The following SPAG11B variants were observed in gnomAD, a reference collection of about 807,000 sequenced individuals.
SPAG11B encodes the protein sperm-associated antigen 11B.
SPAG11B carries 5 observed loss-of-function variants against 8.9 expected under a neutral mutation model. The observed-to-expected ratio is 0.56, with a 90% CI of 0.29 to 1.19. The LOEUF is 1.19. Ranked by LOEUF, SPAG11B falls within the 50% of genes most tolerant of loss-of-function variation. The probability of loss-of-function intolerance (pLI) is 0.08; values close to 1 mark genes in which losing one functional copy is unlikely to be tolerated. For synonymous variants in SPAG11B, 12 were observed against 53.0 expected (o/e 0.23, Z 3.36); for missense variants, 38 against 146.4 (o/e 0.26, Z 3.82).
intron 2 of SPAG11B, among the ~76,000 whole-genome samples, chr8:7,451,878 G>A (rs1420720932): frequency 6.7e-6 from 1 of 150,126 alleles, no homozygotes; most frequent in Non-Finnish European, 1.5e-5. Context: ...ATTGCACCAT[G>A]GTAAATTAAC....
chr8:7,453,489 T>C (rs1453327979), intron 2 of SPAG11B, among the ~76,000 whole-genome samples: 12 of 147,086 alleles, frequency 8.2e-5, no homozygotes, highest in South Asian at 2.1e-4. Flanking sequence ...CCCATTTTTA[T>C]GTAAGCAATA....
At chr8:7,458,621 C>G (rs1318218819) in intron 2 of SPAG11B, among the ~76,000 whole-genome samples, 1 of 86,432 alleles carries the variant, frequency 1.2e-5, no homozygotes, top group Non-Finnish European at 2.1e-5. Context: ...AAATATAAGA[C>G]TATTTAAAAA....
At chr8:7,459,175 A>G (rs1810625120) in intron 2 of SPAG11B, among the ~76,000 whole-genome samples, 1 of 48,014 alleles carries the variant, frequency 2.1e-5, no homozygotes. Context: ...CCAAAATCGC[A>G]CCATTGCACT....
chr8:7,451,387 C>A (rs1810149677), intron 2 of SPAG11B, among the ~76,000 whole-genome samples: 1 of 129,534 alleles, frequency 7.7e-6, no homozygotes, highest in East Asian at 2.0e-4. Context: ...TTGTAAGTCA[C>A]AAATGACCAC....
At chr8:7,451,823 G>A (rs1810200961) in intron 2 of SPAG11B, among the ~76,000 whole-genome samples, 2 of 151,744 alleles carry the variant, frequency 1.3e-5, no homozygotes, top group Non-Finnish European at 2.9e-5. Flanking sequence ...GTGCAAGCAG[G>A]GGGAATATTA....
Position 7,450,866 on chromosome 8 carries a change from G to C in SPAG11B, c.249C>G (p.Cys83Trp), listed in dbSNP as rs774567355. The stretch of plus-strand genomic sequence containing the variant: ...GTCTGCAGATCCCTTGCTGCATATG[G>C]CAGATGGTATTTCTAATTCCCGGTG... ...DVPPGIRNTI[C>W]HMQQGICRLF... Residue 83 changes from cysteine to tryptophan, a missense_variant, in exon 3 of 3, where the codon TGC (cysteine) becomes TGG (tryptophan). Cys to Trp is a radical substitution (Grantham distance 215). Around this residue, in one of 3 missense-constraint regions of SPAG11B, gnomAD observed 29 missense variants for 28.0 expected, o/e 1.03. Transcript: ENST00000398462. 3.9e-6 allele frequency: 6 copies of C among 1,550,050 alleles called. 1 individual carries two copies. The highest frequency in any genetic ancestry group is 5.3e-6 in the Non-Finnish European group (6 of 1,140,106).
chr8:7,459,581 G>A (rs1378024951), intron 2 of SPAG11B, among the ~76,000 whole-genome samples: 1 of 148,334 alleles, frequency 6.7e-6, no homozygotes, highest in Non-Finnish European at 1.5e-5. Context: ...CAATTAATTG[G>A]TAAGGAAGTC....
downstream of SPAG11B, chr8:7,450,443 G>A (rs71511265): frequency 0.22 from 172,884 of 797,480 alleles, 4,234 homozygotes; most frequent in East Asian, 0.36. Context: ...AATCAGTTTG[G>A]AGCTCGGTTT....
At chr8:7,453,478 C>A (rs200936976) in intron 2 of SPAG11B, among the ~76,000 whole-genome samples, 27,557 of 135,916 alleles carry the variant, frequency 0.2, 169 homozygotes, top group East Asian at 0.33. Flanking sequence ...TGAATCCATA[C>A]CCCATTTTTA....
At chr8:7,451,303 G>A in intron 2 of SPAG11B, 6 of 858,306 alleles carry the variant, frequency 7.0e-6, no homozygotes, top group Non-Finnish European at 3.5e-6. Flanking sequence ...TCAACTTATG[G>A]CCCAATTTTT....
intron 2 of SPAG11B, among the ~76,000 whole-genome samples, chr8:7,451,714 G>C (rs1331231428): frequency 6.7e-6 from 1 of 149,414 alleles, no homozygotes; most frequent in Non-Finnish European, 1.5e-5. Flanking sequence ...TGGAGACCTG[G>C]ATTCTGGTCT....
At chr8:7,450,923 T>C (rs774728444) in intron 2 of SPAG11B, 23 bp from the exon 3 acceptor site, 6 of 1,550,312 alleles carry the variant, frequency 3.9e-6, no homozygotes, top group East Asian at 2.2e-5. Flanking sequence ...CAGAAGAGAG[T>C]TGACATTTAA....
intron 2 of SPAG11B, among the ~76,000 whole-genome samples, chr8:7,453,930 A>T (rs575527330): frequency 6.7e-6 from 1 of 149,198 alleles, no homozygotes; most frequent in African/African-American, 2.5e-5. Flanking sequence ...AGAGAAAAAA[A>T]AAAGTTACCT....
intron 2 of SPAG11B, among the ~76,000 whole-genome samples, chr8:7,453,929 A>G (rs1466403133): frequency 6.7e-6 from 1 of 149,202 alleles, no homozygotes; most frequent in African/African-American, 2.5e-5. Flanking sequence ...GAGAGAAAAA[A>G]AAAAGTTACC....
chr8:7,451,702 C>G (rs1180602674), intron 2 of SPAG11B, among the ~76,000 whole-genome samples: 1 of 113,096 alleles, frequency 8.8e-6, no homozygotes, highest in Admixed American at 9.7e-5. Context: ...AGCCTGGAAG[C>G]GTGGAGACCT....
At chr8:7,450,998 G>A in intron 2 of SPAG11B, 98 bp from the exon 3 acceptor site, 2 of 1,520,356 alleles carry the variant, frequency 1.3e-6, no homozygotes, top group African/African-American at 1.5e-5. Context: ...ATTCTGACAA[G>A]GCTAAGTACT....
Position 7,450,657 on chromosome 8 carries a change from C to A in SPAG11B, c.*56G>T. 1 of 1,533,394 alleles carries A rather than the reference C, an allele frequency of 6.5e-7. No homozygotes were observed. The highest frequency in any genetic ancestry group is 8.8e-7 in the Non-Finnish European group (1 of 1,140,148). The allele number at this position is 1,533,394 out of a possible 1,614,324, so 95.0% of individuals were successfully genotyped here. A position where few individuals can be genotyped will look rare whatever the true frequency, so the allele number is the denominator to read the frequency against. ...TATTGAACACCTACTATAAGCCACA[C>A]ATTCCTTTAAGCCCTTGGGATACTT... On this transcript the variant is annotated 3_prime_UTR_variant, in exon 3 of 3. Transcript: ENST00000398462.
At chr8:7,448,302 C>CAAAAAA (rs71221492), downstream of SPAG11B, among the ~76,000 whole-genome samples, 1 of 48,850 alleles carries the variant, frequency 2.0e-5, no homozygotes, top group African/African-American at 9.7e-5. Flanking sequence ...AACAAGTGGT[C>CAAAAAA]AAAAAAAAAA....
chr8:7,450,392 A>T (rs1384150645), downstream of SPAG11B, among the ~76,000 whole-genome samples: 2 of 144,452 alleles, frequency 1.4e-5, no homozygotes, highest in African/African-American at 2.6e-5. Flanking sequence ...CATCAGAAGG[A>T]AAACAGAGCA....
Sources: allele counts gnomAD v4.1 joint callset (sites outside exome capture counted in the v4.1 genomes callset), GRCh38; gene constraint gnomAD v4.1.1; regional missense constraint gnomAD v4.1.1; transcripts MANE v1.5; gene names NCBI Gene and HGNC (gene_info 2026-07-23, HGNC 2026-07-21).